Variants in CACNA2D1 observed in about 807,000 individuals in gnomAD.
CACNA2D1 encodes the protein calcium voltage-gated channel auxiliary subunit alpha2delta 1.
In CACNA2D1, 53 loss-of-function variants were observed where a neutral mutation model predicts 171.5. The observed-to-expected ratio is 0.31, with a 90% CI of 0.25 to 0.39. The LOEUF is 0.39. Among genes scored for constraint, CACNA2D1 ranks in the 10% least tolerant of loss-of-function variants. The probability of loss-of-function intolerance (pLI) is 1.00; values close to 1 mark genes in which losing one functional copy is unlikely to be tolerated. For missense variants in CACNA2D1, 903 were observed against 1,299.8 expected (o/e 0.69, Z 4.69); for synonymous variants, 442 against 443.1 (o/e 1.00, Z 0.03).
chr7:82,336,225 A>T (rs941184426), intron 2 of CACNA2D1, among the ~76,000 whole-genome samples: 2 of 152,208 alleles, frequency 1.3e-5, no homozygotes, highest in Non-Finnish European at 2.9e-5. Flanking sequence ...GCACAACTCC[A>T]GCATTCTGCT....
chr7:82,391,482 A>G (rs1825113399), intron 1 of CACNA2D1, among the ~76,000 whole-genome samples: 1 of 152,236 alleles, frequency 6.6e-6, no homozygotes, highest in Non-Finnish European at 1.5e-5. Flanking sequence ...GTGAATTTTA[A>G]TTATTCATGT....
At chr7:82,060,679 T>C (rs1806772169) in intron 9 of CACNA2D1, 152 bp from the exon 10 acceptor site, 1 of 495,240 alleles carries the variant, frequency 2.0e-6, no homozygotes, top group Non-Finnish European at 3.5e-6. Context: ...AAAAGTTACA[T>C]TTTTTGATAG....
At chr7:81,989,175 C>T (rs1261452400) in intron 21 of CACNA2D1, among the ~76,000 whole-genome samples, 1 of 152,294 alleles carries the variant, frequency 6.6e-6, no homozygotes, top group Non-Finnish European at 1.5e-5. Flanking sequence ...GCAAAAAGGA[C>T]AGCGTGGCTT....
At chr7:82,431,045 G>A (rs191733565) in intron 1 of CACNA2D1, among the ~76,000 whole-genome samples, 3 of 152,140 alleles carry the variant, frequency 2.0e-5, no homozygotes, top group East Asian at 1.9e-4. Flanking sequence ...CTTTCTTCAC[G>A]GTCTCTTTTA....
In CACNA2D1 at chr7:82,291,566, T is replaced by C. The variant is rs911585813; in HGVS notation, c.294+43569A>G. 4.2e-5 allele frequency among the ~76,000 whole-genome samples: 6 copies of C among 141,682 alleles called. 1 individual carries two copies. The East Asian group carries it at 1.2e-3, about 28-fold the overall frequency. 92.9% of individuals were successfully genotyped at this position (141,682 alleles called of 152,430 possible). On this transcript the variant is annotated intron_variant, in intron 3 of 38. Coordinates refer to ENST00000356860, the MANE Select transcript of CACNA2D1 (RefSeq NM_000722.4). ...ATATAGATATATATAAATATATATA[T>C]TTATATTTATATATACTAGATATAT...
chr7:82,112,926 C>G (rs113272665), intron 6 of CACNA2D1, among the ~76,000 whole-genome samples: 1 of 152,046 alleles, frequency 6.6e-6, no homozygotes, highest in Non-Finnish European at 1.5e-5. Context: ...TGATTATTAG[C>G]TTAAATTACA....
chr7:82,348,369 C>T (rs1002406692), intron 2 of CACNA2D1, among the ~76,000 whole-genome samples: 3 of 151,824 alleles, frequency 2.0e-5, no homozygotes, highest in Non-Finnish European at 2.9e-5. Flanking sequence ...CACTAGTAAT[C>T]GAGATTTTTT....
chr7:82,148,356 C>T (rs921446220), intron 4 of CACNA2D1, among the ~76,000 whole-genome samples: 2 of 151,416 alleles, frequency 1.3e-5, no homozygotes, highest in African/African-American at 4.9e-5. Flanking sequence ...GATGTTCCTC[C>T]CTATTAGAAA....
At chr7:82,022,495 T>C (rs1426768364) in intron 12 of CACNA2D1, among the ~76,000 whole-genome samples, 1 of 151,924 alleles carries the variant, frequency 6.6e-6, no homozygotes, top group Non-Finnish European at 1.5e-5. Flanking sequence ...GTTAAATGTC[T>C]TTCATTATCA....
chr7:82,396,790 A>G (rs1825795519), intron 1 of CACNA2D1, among the ~76,000 whole-genome samples: 1 of 152,204 alleles, frequency 6.6e-6, no homozygotes, highest in Non-Finnish European at 1.5e-5. Flanking sequence ...CTGGACCCAC[A>G]TTGGCAACAT....
intron 7 of CACNA2D1, among the ~76,000 whole-genome samples, chr7:82,077,773 A>C (rs1299896423): frequency 6.6e-6 from 1 of 151,750 alleles, no homozygotes; most frequent in Admixed American, 6.6e-5. Flanking sequence ...AAAAAAAAAA[A>C]AATCAGGCAT....
chr7:82,270,405 G>A (rs1212071065), intron 3 of CACNA2D1, among the ~76,000 whole-genome samples: 1 of 152,020 alleles, frequency 6.6e-6, no homozygotes, highest in East Asian at 1.9e-4. Flanking sequence ...ATATATAATT[G>A]TTGCTACGTA....
chr7:82,094,305 A>G (rs1191812970), intron 6 of CACNA2D1, among the ~76,000 whole-genome samples: 3 of 152,198 alleles, frequency 2.0e-5, no homozygotes, highest in Middle Eastern at 3.2e-3. Flanking sequence ...ATAATATATA[A>G]AGGTATGAAT....
At chr7:82,404,699 T>G (rs932642509) in intron 1 of CACNA2D1, among the ~76,000 whole-genome samples, 2 of 152,214 alleles carry the variant, frequency 1.3e-5, no homozygotes, top group African/African-American at 4.8e-5. Flanking sequence ...CCCCAGTCAA[T>G]ACTATTAATT....
chr7:82,096,631 G>A (rs1419163807), intron 6 of CACNA2D1, among the ~76,000 whole-genome samples: 1 of 114,712 alleles, frequency 8.7e-6, no homozygotes, highest in Non-Finnish European at 1.9e-5. Flanking sequence ...ATATCAACAT[G>A]ATGGTATGAT....
At chr7:82,146,770 TGA>T (rs1330016016) in intron 4 of CACNA2D1, among the ~76,000 whole-genome samples, 2 of 150,880 alleles carry the variant, frequency 1.3e-5, no homozygotes, top group African/African-American at 4.8e-5. Flanking sequence ...GTAGATCACC[TGA>T]GGTCAGGAAT....
rs59630150 is a variant in CACNA2D1, at chr7:82,278,557, TAAA to T, written c.294+56575_294+56577del. 4.1e-3 allele frequency among the ~76,000 whole-genome samples: 444 copies of T among 107,762 alleles called. 2 individuals carry two copies. The highest frequency in any genetic ancestry group is 0.011 in the African/African-American group (328 of 29,260). The allele number at this position is 107,762 out of a possible 152,430, so 70.7% of individuals were successfully genotyped here. On this transcript the variant is annotated intron_variant, in intron 3 of 38. Transcript: ENST00000356860. The stretch of plus-strand genomic sequence containing the variant: ...TGAGAGACAGAGTGAGACTCTGTCT[TAAA>T]AAAAAAAAAAAAAAAAAAAAATTAC...
chr7:82,109,717 A>T (rs1788151794), intron 6 of CACNA2D1, among the ~76,000 whole-genome samples: 1 of 152,184 alleles, frequency 6.6e-6, no homozygotes, highest in African/African-American at 2.4e-5. Context: ...GTTCTGTTTT[A>T]TTCATCTTAA....
At chr7:82,096,716 A>ACAGG (rs1202739485) in intron 6 of CACNA2D1, among the ~76,000 whole-genome samples, 3 of 150,426 alleles carry the variant, frequency 2.0e-5, no homozygotes. Flanking sequence ...ACAGATACAG[A>ACAGG]TGGCACAAAA....
Sources: gnomAD v4.1 joint callset for allele counts (sites outside exome capture counted in the v4.1 genomes callset) on GRCh38, gnomAD v4.1.1 for gene constraint, MANE v1.5 for transcripts, NCBI Gene and HGNC (gene_info 2026-07-23, HGNC 2026-07-21) for gene names.